Variants in OTUD7A observed in about 807,000 individuals in gnomAD.
OTUD7A encodes the protein OTU deubiquitinase 7A.
Under a neutral mutation model 65.7 loss-of-function variants are expected in OTUD7A, and 12 were observed. The observed-to-expected ratio is 0.18, with a 90% confidence interval of 0.12 to 0.30. The LOEUF (loss-of-function observed/expected upper bound fraction) is 0.30, where lower values mean the gene tolerates loss of function less well. OTUD7A is among the 10% of genes least tolerant of loss of function. The probability of loss-of-function intolerance (pLI) is 1.00; values close to 1 mark genes in which losing one functional copy is unlikely to be tolerated. For missense variants in OTUD7A, 1,148 were observed against 1,304.8 expected (o/e 0.88, Z 1.85); for synonymous variants, 641 against 586.3 (o/e 1.09, Z -1.35).
intron 1 of OTUD7A, among the ~76,000 whole-genome samples, chr15:31,794,727 T>G (rs1219989864): frequency 6.6e-6 from 1 of 152,056 alleles, no homozygotes; most frequent in African/African-American, 2.4e-5. Flanking sequence ...GCCCACCGTC[T>G]GGGGGATGCT....
intron 4 of OTUD7A, 81 bp downstream of exon 4, chr15:31,569,937 T>C: frequency 6.6e-7 from 1 of 1,507,356 alleles, no homozygotes; most frequent in East Asian, 2.3e-5. Context: ...ACCCCACCAT[T>C]CTTTGTACCA....
rs2041201011 is a variant in OTUD7A, at chr15:31,484,407, C to T, written c.1689G>A (p.Ser563=). ...ANSANGKNGD[S]AERGKEKKAK... The stretch of plus-strand genomic sequence containing the variant: ...CCTTCTTCTCCTTGCCCCGCTCGGC[C>T]GAGTCCCCGTTCTTGCCATTGGCGG... Residue 563 remains serine (S), a synonymous_variant, in exon 13 of 13, where the codon TCG becomes TCA. Coordinates refer to ENST00000307050, the MANE Select transcript of OTUD7A (RefSeq NM_001382637.1). This position sits in a 1 kb window ranked among gnomAD's most constrained non-coding sequence, Gnocchi z 4.5. 1.9e-6 allele frequency: 3 copies of T among 1,601,642 alleles called. No individual in the cohort carries two copies. The African/African-American group carries it at 4.0e-5, about 21-fold the overall frequency.
intron 1 of OTUD7A, among the ~76,000 whole-genome samples, chr15:31,688,168 A>G (rs1172108492): frequency 2.0e-5 from 3 of 151,288 alleles, no homozygotes; most frequent in Admixed American, 6.6e-5. Flanking sequence ...GTGAGCCGAG[A>G]TCGTGCCACT....
At chr15:31,653,244 C>G (rs2141275864) in intron 3 of OTUD7A, among the ~76,000 whole-genome samples, 1 of 150,992 alleles carries the variant, frequency 6.6e-6, no homozygotes, top group South Asian at 2.1e-4. Flanking sequence ...TAGAGTGAGA[C>G]TCTGTGTCAC....
intron 3 of OTUD7A, among the ~76,000 whole-genome samples, chr15:31,608,669 C>A (rs1389756937): frequency 6.6e-6 from 1 of 152,156 alleles, no homozygotes; most frequent in Non-Finnish European, 1.5e-5. Context: ...AAGTCAGTGA[C>A]CAGCTGTAGC....
intron 1 of OTUD7A, among the ~76,000 whole-genome samples, chr15:31,717,249 T>A (rs12910745): frequency 6.6e-6 from 1 of 152,174 alleles, no homozygotes; most frequent in Non-Finnish European, 1.5e-5. Context: ...TTTTAAAAAA[T>A]TTTTATTATA....
At chr15:31,822,173 T>C (rs1160761635) in intron 1 of OTUD7A, among the ~76,000 whole-genome samples, 1 of 152,246 alleles carries the variant, frequency 6.6e-6, no homozygotes. Flanking sequence ...CAGTGGTAGC[T>C]CTCTGAAGTG....
intron 1 of OTUD7A, among the ~76,000 whole-genome samples, chr15:31,668,926 G>A (rs1383848703): frequency 6.6e-6 from 1 of 152,142 alleles, no homozygotes; most frequent in Non-Finnish European, 1.5e-5. Context: ...CTCTCTTCTG[G>A]GTCTAGCCAC....
rs2041134800 is a variant in OTUD7A at position 31,482,273 on chromosome 15, C to G, written c.*1021G>C. The G allele has an allele frequency of 6.6e-6, 1 of 152,438 alleles. No individual in the cohort carries two copies. Among genetic ancestry groups the G allele is most frequent in the African/African-American group, 2.4e-5 (1 of 41,466 alleles). 9.4% of individuals were successfully genotyped at this position (152,438 alleles called of 1,614,324 possible). A position where few individuals can be genotyped will look rare whatever the true frequency, so the allele number is the denominator to read the frequency against. On this transcript the variant is annotated 3_prime_UTR_variant, in exon 13 of 13. Coordinates refer to ENST00000307050, the MANE Select transcript of OTUD7A (RefSeq NM_001382637.1). ...TTACCTGGCTGAACCCAGACAGATGCAGGTGTGGGGGTGGGCTTCCTTCCT... is the reference window on the plus strand; with the variant it reads ...TTACCTGGCTGAACCCAGACAGATGGAGGTGTGGGGGTGGGCTTCCTTCCT...
intron 3 of OTUD7A, among the ~76,000 whole-genome samples, chr15:31,588,296 T>C (rs1013656462): frequency 2.0e-5 from 3 of 152,218 alleles, no homozygotes; most frequent in African/African-American, 7.2e-5. Context: ...TCTGGCTCCA[T>C]TTATTTGAAG....
At chr15:31,495,148 C>A (rs1270886990) in intron 10 of OTUD7A, among the ~76,000 whole-genome samples, 1 of 152,126 alleles carries the variant, frequency 6.6e-6, no homozygotes, top group East Asian at 1.9e-4. Flanking sequence ...TTTCTCTTCT[C>A]TCCAGGCCTT....
At chr15:31,777,046 C>G (rs185220769) in intron 1 of OTUD7A, among the ~76,000 whole-genome samples, 143 of 152,232 alleles carry the variant, frequency 9.4e-4, no homozygotes, top group African/African-American at 3.3e-3. Flanking sequence ...ATTTGGACAG[C>G]TGTAATGTGA....
At chr15:31,856,455 T>C (rs1309351851) in intron 1 of OTUD7A, among the ~76,000 whole-genome samples, 1 of 152,218 alleles carries the variant, frequency 6.6e-6, no homozygotes, top group East Asian at 1.9e-4. Context: ...TATGACTCGA[T>C]TTTTACAGAA....
At chr15:31,763,621 T>C (rs1326545650) in intron 1 of OTUD7A, among the ~76,000 whole-genome samples, 1 of 151,962 alleles carries the variant, frequency 6.6e-6, no homozygotes, top group Non-Finnish European at 1.5e-5. Context: ...AAAAGAAAAT[T>C]TGACAAACGG....
chr15:31,744,704 A>G (rs1894431565), intron 1 of OTUD7A, among the ~76,000 whole-genome samples: 1 of 152,162 alleles, frequency 6.6e-6, no homozygotes, highest in South Asian at 2.1e-4. Flanking sequence ...GCAATAAAGT[A>G]GAAAAGAGGG....
chr15:31,515,574 C>T (rs1177066864), intron 8 of OTUD7A, among the ~76,000 whole-genome samples: 2 of 150,892 alleles, frequency 1.3e-5, no homozygotes, highest in Admixed American at 6.6e-5. Flanking sequence ...TTCTTCCTAT[C>T]TATCTATCCA....
intron 1 of OTUD7A, among the ~76,000 whole-genome samples, chr15:31,777,583 GA>G (rs1895419493): frequency 6.6e-6 from 1 of 152,172 alleles, no homozygotes; most frequent in Admixed American, 6.5e-5. Flanking sequence ...CACCAGCACA[GA>G]GCAGGCAGTG....
chr15:31,584,222 A>G (rs1889459313), intron 3 of OTUD7A, among the ~76,000 whole-genome samples: 1 of 152,216 alleles, frequency 6.6e-6, no homozygotes, highest in South Asian at 2.1e-4. Flanking sequence ...TCTTATAGCC[A>G]TGGAGGCATT....
intron 3 of OTUD7A, among the ~76,000 whole-genome samples, chr15:31,613,557 T>A (rs1215466930): frequency 6.6e-6 from 1 of 152,100 alleles, no homozygotes; most frequent in African/African-American, 2.4e-5. Flanking sequence ...ATGCTCTACA[T>A]CATTAATGAT....
Sources: allele counts gnomAD v4.1 joint callset (sites outside exome capture counted in the v4.1 genomes callset), GRCh38; gene constraint gnomAD v4.1.1; non-coding constraint Gnocchi (gnomAD v3.1); transcripts MANE v1.5; gene names NCBI Gene and HGNC (gene_info 2026-07-23, HGNC 2026-07-21).